The following LATS2 variants were observed in gnomAD, a reference collection of about 807,000 sequenced individuals.
LATS2 encodes the protein serine/threonine-protein kinase LATS2.
A neutral mutation model predicts 76.0 loss-of-function variants in LATS2; 24 were observed. The observed-to-expected ratio is 0.32, with a 90% CI of 0.23 to 0.44. The LOEUF is 0.44. Ranked by LOEUF, LATS2 falls within the 20% of genes least tolerant of loss-of-function variation. The pLI is 1.00. For missense variants in LATS2, 1,286 were observed against 1,481.2 expected (o/e 0.87, Z 2.16); for synonymous variants, 692 against 635.4 (o/e 1.09, Z -1.34).
intron 2 of LATS2, among the ~76,000 whole-genome samples, chr13:21,030,351 A>C (rs2138377881): frequency 6.6e-6 from 1 of 152,072 alleles, no homozygotes; most frequent in Non-Finnish European, 1.5e-5. Flanking sequence ...GCACTTTGGG[A>C]GGCCGACACG....
rs1401177065 is a variant in LATS2, at chr13:21,032,290, G to C, written c.342+13395C>G. On this transcript the variant is annotated intron_variant, in intron 2 of 7. Transcript: ENST00000382592. ...ACTTTTTATTTTATTTTTTGAGACA[G>C]AGTCTCGCTCTGTCACCCAGGCTGG... 2.7e-4 allele frequency among the ~76,000 whole-genome samples: 6 copies of C among 22,632 alleles called. No individual in the cohort carries two copies. The East Asian group carries it at 3.3e-3, about 13-fold the overall frequency. The allele number at this position is 22,632 out of a possible 152,430, so 14.8% of individuals were successfully genotyped here. A position where few individuals can be genotyped will look rare whatever the true frequency, so the allele number is the denominator to read the frequency against.
At chr13:20,995,908 T>G (rs1870731120) in intron 2 of LATS2, among the ~76,000 whole-genome samples, 1 of 152,202 alleles carries the variant, frequency 6.6e-6, no homozygotes, top group Non-Finnish European at 1.5e-5. Context: ...TAACAAGACT[T>G]TGATGACTTT....
intron 2 of LATS2, among the ~76,000 whole-genome samples, chr13:21,010,933 A>C (rs1164490290): frequency 1.3e-5 from 2 of 152,238 alleles, no homozygotes; most frequent in Non-Finnish European, 2.9e-5. Flanking sequence ...AACTTTATAA[A>C]ACACAAACAC....
intron 2 of LATS2, among the ~76,000 whole-genome samples, chr13:20,995,187 T>C (rs370297723): frequency 7.2e-5 from 11 of 152,160 alleles, no homozygotes; most frequent in African/African-American, 2.4e-4. Context: ...TTCACAAAGG[T>C]ATCTTATGTG....
In LATS2 at chr13:20,973,069, A is replaced by C; in HGVS notation, c.*1801T>G. The stretch of plus-strand genomic sequence containing the variant: ...CAAAATTTTAATAATAAATTGTGCC[A>C]GTAGAAGCTTTTCAAAGGTAATGAT... On this transcript the variant is annotated 3_prime_UTR_variant, in exon 8 of 8. Transcript: ENST00000382592. 1 of 225,400 alleles carries C rather than the reference A, an allele frequency of 4.4e-6. No individual in the cohort carries two copies. Among genetic ancestry groups the C allele is most frequent in the Non-Finnish European group, 8.8e-6 (1 of 113,092 alleles). 14.0% of individuals were successfully genotyped at this position (225,400 alleles called of 1,614,324 possible).
At position 20,989,211 on chromosome 13, in the gene LATS2, G is replaced by A. The variant is rs143535162; in HGVS notation, c.569C>T (p.Pro190Leu). The change falls in exon 4 of 8, where the codon CCC (proline) becomes CTC (leucine). Residue 190 changes from proline (P) to leucine (L), a missense_variant. Pro to Leu is a moderately conservative substitution (Grantham distance 98, BLOSUM62 -3). Transcript: ENST00000382592. ...FASYHQLSGT[P>L]YEGPSFGADG... ...AGCGCCGAAGCTTGGGCCCTCGTAG[G>A]GGGTACCGCTCAGCTGGTGGTAGGA... is the stretch of plus-strand genomic sequence containing the variant. 9.3e-6 allele frequency: 15 copies of A among 1,613,722 alleles called. No individual in the cohort carries two copies. The highest frequency in any genetic ancestry group is 3.3e-5 in the South Asian group (3 of 91,096).
chr13:20,986,840 C>T (rs953295832), intron 4 of LATS2, among the ~76,000 whole-genome samples: 6 of 152,174 alleles, frequency 3.9e-5, no homozygotes, highest in Non-Finnish European at 7.4e-5. Context: ...CATTACATAT[C>T]CTATGCATGT....
At chr13:21,040,102 T>C (rs1457573142) in intron 2 of LATS2, among the ~76,000 whole-genome samples, 1 of 151,226 alleles carries the variant, frequency 6.6e-6, no homozygotes, top group Non-Finnish European at 1.5e-5. Flanking sequence ...GAAAGAAATT[T>C]CTGACCAGGC....
intron 2 of LATS2, among the ~76,000 whole-genome samples, chr13:21,009,424 G>A (rs1229278837): frequency 6.6e-6 from 1 of 152,104 alleles, no homozygotes; most frequent in Non-Finnish European, 1.5e-5. Context: ...TGGATCATTG[G>A]TCCCAAACAA....
In LATS2 at chr13:20,987,977, G is replaced by A; in HGVS notation, c.1803C>T (p.Ala601=). The A allele has an allele frequency of 6.2e-7, 1 of 1,614,256 alleles. No homozygotes were observed. The highest frequency in any genetic ancestry group is 8.5e-7 in the Non-Finnish European group (1 of 1,180,048). ...ESRIKSYSPY[A]FKFFMEQHVE... Reference sequence around the variant, plus strand: ...CGTGCTGCTCCATGAAGAACTTAAAGGCGTATGGCGAGTAGCTCTTGATGC... The same window carrying A: ...CGTGCTGCTCCATGAAGAACTTAAAAGCGTATGGCGAGTAGCTCTTGATGC... The change falls in exon 4 of 8, where the codon GCC becomes GCT. Residue 601 remains alanine (A), a synonymous_variant. Transcript: ENST00000382592.
At chr13:21,019,220 A>G (rs1014133064) in intron 2 of LATS2, among the ~76,000 whole-genome samples, 1 of 152,160 alleles carries the variant, frequency 6.6e-6, no homozygotes, top group Non-Finnish European at 1.5e-5. Flanking sequence ...TAGCTATTAT[A>G]TAGTCACAAC....
chr13:21,036,416 T>TA (rs1156623502), intron 2 of LATS2, among the ~76,000 whole-genome samples: 1 of 152,144 alleles, frequency 6.6e-6, no homozygotes, highest in African/African-American at 2.4e-5. Context: ...GAGAGCTTTC[T>TA]AGTACTTAAA....
At chr13:21,026,881 T>A (rs1211144014) in intron 2 of LATS2, among the ~76,000 whole-genome samples, 1 of 152,242 alleles carries the variant, frequency 6.6e-6, no homozygotes. Context: ...TTCTCACCAC[T>A]ACTTAGTATT....
At position 20,988,874 on chromosome 13, in the gene LATS2, G is replaced by A. The variant is rs761033135; in HGVS notation, c.906C>T (p.Leu302=). The A allele has an allele frequency of 7.0e-6, 11 of 1,567,058 alleles. No individual in the cohort carries two copies. The highest frequency in any genetic ancestry group is 4.1e-5 in the African/African-American group (3 of 74,024). ...GCCCGGCGGCAGGGGGTGGGAAAGC[G>A]AGGCCGGCGCCTGGCGGTCCTCCCT... The part of the protein sequence containing the change: ...KGQGGPPGAG[L]AFPPPAAGLY... Residue 302 remains leucine (L), a synonymous_variant, in exon 4 of 8, where the codon CTC becomes CTT. Coordinates refer to ENST00000382592, the MANE Select transcript of LATS2 (RefSeq NM_014572.3).
intron 2 of LATS2, among the ~76,000 whole-genome samples, chr13:21,002,397 AG>A (rs1186020384): frequency 6.9e-6 from 1 of 145,724 alleles, no homozygotes; most frequent in African/African-American, 2.6e-5. Flanking sequence ...TTTTTGAGAC[AG>A]GGTCTCACTC....
At chr13:21,026,121 AAAG>A (rs1217724928) in intron 2 of LATS2, among the ~76,000 whole-genome samples, 1 of 152,170 alleles carries the variant, frequency 6.6e-6, no homozygotes, top group African/African-American at 2.4e-5. Context: ...TAGGCATAAG[AAAG>A]AAGAGAAGGA....
chr13:21,006,069 A>G (rs531985), intron 2 of LATS2, among the ~76,000 whole-genome samples: 39,015 of 151,924 alleles, frequency 0.26, 5,424 homozygotes, highest in African/African-American at 0.35. Flanking sequence ...CCCGGAAGGC[A>G]GAGGTTGCGG....
At chr13:21,041,811 T>C (rs1872890090) in intron 2 of LATS2, among the ~76,000 whole-genome samples, 1 of 152,124 alleles carries the variant, frequency 6.6e-6, no homozygotes, top group Admixed American at 6.6e-5. Flanking sequence ...AGTTACTGAA[T>C]TGGAACCTCA....
Position 20,987,467 on chromosome 13 carries a change from G to A in LATS2, c.1899+414C>T, listed in dbSNP as rs544252093. The stretch of plus-strand genomic sequence containing the variant: ...AAAAGAATAAATGGAATCACTACTA[G>A]ATACATTTTTCTTCCAAAATCCCAC... On this transcript the variant is annotated intron_variant, in intron 4 of 7. Transcript: ENST00000382592. 2.0e-5 allele frequency among the ~76,000 whole-genome samples: 3 copies of A among 152,206 alleles called. No homozygotes were observed. The South Asian group carries it at 6.2e-4, about 32-fold the overall frequency.
Sources: allele counts gnomAD v4.1 joint callset (sites outside exome capture counted in the v4.1 genomes callset), GRCh38; gene constraint gnomAD v4.1.1; transcripts MANE v1.5; gene names NCBI Gene and HGNC (gene_info 2026-07-23, HGNC 2026-07-21).